Variants in KMT2D observed in about 807,000 individuals in gnomAD.
KMT2D encodes lysine methyltransferase 2D.
A neutral mutation model predicts 512.7 loss-of-function variants in KMT2D; 55 were observed. The ratio of observed to expected loss-of-function variants is 0.11; its 90% CI spans 0.09 to 0.13. KMT2D has a LOEUF of 0.13. Among genes scored for constraint, KMT2D ranks in the 10% least tolerant of loss-of-function variants. KMT2D has a pLI of 1.00. For missense variants in KMT2D, 6,061 were observed against 7,127.9 expected (o/e 0.85, Z 5.39); for synonymous variants, 2,995 against 2,904.0 (o/e 1.03, Z -1.01).
At position 49,052,137 on chromosome 12, in the gene KMT2D, C is replaced by T; in HGVS notation, c.1546G>A (p.Glu516Lys). 1.2e-6 allele frequency: 2 copies of T among 1,611,216 alleles called. No homozygotes were observed. Among genetic ancestry groups the T allele is most frequent in the Non-Finnish European group, 1.7e-6 (2 of 1,179,110 alleles). ...TCCGGTGGAGACAAGGGCGACTCCT[C>T]CAGTGGAGAAAAAGGTGATGATTCA... is the stretch of plus-strand genomic sequence containing the variant. ...PPESSPFSPL[E>K]ESPLSPPEES... is the part of the protein sequence containing the mutation. Residue 516 changes from glutamate (E) to lysine (K), a missense_variant, in exon 11 of 55, where the codon GAG becomes AAG. Glu to Lys is a moderately conservative substitution (Grantham distance 56). This residue lies in a region of KMT2D where 848 missense variants were observed against 838.5 expected (regional missense o/e 1.01). Transcript: ENST00000301067.
chr12:49,047,406 C>CTTTTTTTTTTTTT, intron 15 of KMT2D, among the ~76,000 whole-genome samples: 1 of 93,882 alleles, frequency 1.1e-5, no homozygotes, highest in Non-Finnish European at 2.0e-5. Flanking sequence ...CCAGTTTTTC[C>CTTTTTTTTTTTTT]TTTTTTTTTT....
chr12:49,031,640 A>G lies in KMT2D; in HGVS notation c.13065T>C (p.Pro4355=). The G allele has an allele frequency of 5.0e-6, 8 of 1,604,890 alleles. No homozygotes were observed. Among genetic ancestry groups the G allele is most frequent in the Non-Finnish European group, 6.0e-6 (7 of 1,175,954 alleles). The change falls in exon 40 of 55, where the codon CCT becomes CCC. Residue 4355 remains proline (P), a synonymous_variant. Coordinates refer to ENST00000301067, the MANE Select transcript of KMT2D (RefSeq NM_003482.4). ...KPQGPTLEPP[P]GRVSPAAAQL... is the part of the protein sequence containing the mutation. ...GGGCAGCAGCAGGTGAGACCCTCCC[A>G]GGAGGCGGCTCCAAGGTTGGCCCCT...
Position 49,030,779 on chromosome 12 carries a change from C to A in KMT2D, c.13672-11G>T. 2 of 1,613,278 alleles carry A rather than the reference C, an allele frequency of 1.2e-6. No individual in the cohort carries two copies. The highest frequency in any genetic ancestry group is 1.7e-6 in the Non-Finnish European group (2 of 1,179,654). ...CAGCAGGGACAGCTCCTACAAGGGG[C>A]AAGATGACAAAGTTCAAAACCTGCA... On this transcript the variant is annotated splice_polypyrimidine_tract_variant and intron_variant, in intron 41 of 54. Coordinates refer to ENST00000301067, the MANE Select transcript of KMT2D (RefSeq NM_003482.4).
Position 49,034,414 on chromosome 12 carries a change from C to A in KMT2D, c.10503G>T (p.Val3501=). Residue 3501 remains valine, a synonymous_variant, in exon 38 of 55, where the codon GTG becomes GTT. Transcript: ENST00000301067. ...RPNPPTFAQG[V]INEADQRQYE... ...CCTCCCACGCCCCATACTCACTGAT[C>A]ACTCCCTGAGCAAAAGTGGGCGGGT... 2 of 1,613,846 alleles carry A rather than the reference C, an allele frequency of 1.2e-6. No individual in the cohort carries two copies. The highest frequency in any genetic ancestry group is 1.7e-6 in the Non-Finnish European group (2 of 1,179,834).
Position 49,032,545 on chromosome 12 carries a change from T to G in KMT2D, c.12160A>C (p.Thr4054Pro), listed in dbSNP as rs900086308. ...HQGGPLAIGT[T>P]PESMATEPGE... ...GGTTCAGTGGCCATTGACTCAGGGG[T>G]AGTTCCTATTGCTAACGGCCCTCCC... Residue 4054 changes from threonine (T) to proline (P), a missense_variant, in exon 40 of 55, where the codon ACC (threonine) becomes CCC (proline). By Grantham distance (38) the Thr-to-Pro change is conservative (BLOSUM62 -1). Coordinates refer to ENST00000301067, the MANE Select transcript of KMT2D (RefSeq NM_003482.4). 3.1e-6 allele frequency: 5 copies of G among 1,608,152 alleles called. No homozygotes were observed. The African/African-American group carries it at 5.3e-5, about 17-fold the overall frequency.
At chr12:49,043,018 C>T in intron 26 of KMT2D, 58 bp downstream of exon 26, 1 of 1,558,942 alleles carries the variant, frequency 6.4e-7, no homozygotes, top group Non-Finnish European at 8.8e-7. Context: ...AAGATAGGAC[C>T]TCCTCCTTCT....
rs2120645389 is a variant in KMT2D at position 49,050,080 on chromosome 12, G to A, written c.3508C>T (p.Pro1170Ser). The change falls in exon 12 of 55, where the codon CCC becomes TCC. Residue 1170 changes from proline (P) to serine (S), a missense_variant. Coordinates refer to ENST00000301067, the MANE Select transcript of KMT2D (RefSeq NM_003482.4). The stretch of plus-strand genomic sequence containing the variant: ...TGCCCTGCTGTCTGCTTGCATTCGG[G>A]GTAGACCTCCATAGGGGTCACAGGG... ...LAPVTPMEVYPECKQTAGQGS... is the reference protein window; with the variant it reads ...LAPVTPMEVYSECKQTAGQGS... The A allele has an allele frequency of 6.2e-7, 1 of 1,613,696 alleles. No individual in the cohort carries two copies. Among genetic ancestry groups the A allele is most frequent in the South Asian group, 1.1e-5 (1 of 91,084 alleles).
chr12:49,051,063 A>G lies in KMT2D; in HGVS notation c.2620T>C (p.Cys874Arg), dbSNP rs2120662532. The G allele has an allele frequency of 6.5e-7, 1 of 1,531,364 alleles. No homozygotes were observed. The highest frequency in any genetic ancestry group is 2.3e-5 in the East Asian group (1 of 44,228). The allele number at this position is 1,531,364 out of a possible 1,614,324, so 94.9% of individuals were successfully genotyped here. ...AAGGGCAGCTCCTCAGGTGCAGGGC[A>G]TTGGCCTGGCTCCTCAGGGGGCTTT... ...PEKPPEEPGQ[C>R]PAPEELPLFP... Residue 874 changes from cysteine (C) to arginine (R), a missense_variant, in exon 11 of 55, where the codon TGC becomes CGC. Cys to Arg is a radical substitution (Grantham distance 180, BLOSUM62 -3). Transcript: ENST00000301067.
chr12:49,027,037 G>A lies in KMT2D; in HGVS notation c.14929C>T (p.Pro4977Ser), dbSNP rs1212938842. 2.5e-6 allele frequency: 4 copies of A among 1,613,874 alleles called. No individual in the cohort carries two copies. Among genetic ancestry groups the A allele is most frequent in the Admixed American group, 3.3e-5 (2 of 60,000 alleles). Reference protein sequence around the residue: ...PPEEGEDSRPPRLKKWKGVRW... With the variant: ...PPEEGEDSRPSRLKKWKGVRW... ...ACTCCTTTCCATTTCTTGAGGCGAGGAGGACGGGAATCTTCACCTTCTTCA... is the reference window on the plus strand; with the variant it reads ...ACTCCTTTCCATTTCTTGAGGCGAGAAGGACGGGAATCTTCACCTTCTTCA... The change falls in exon 49 of 55, where the codon CCT (proline) becomes TCT (serine). Residue 4977 changes from proline to serine, a missense_variant. By Grantham distance (74) the Pro-to-Ser change is moderately conservative. This residue lies in a region of KMT2D where 1,600 missense variants were observed against 1,754.9 expected (regional missense o/e 0.91). Transcript: ENST00000301067.
Position 49,041,161 on chromosome 12 carries a change from C to G in KMT2D, c.6609G>C (p.Thr2203=). The G allele has an allele frequency of 1.3e-6, 2 of 1,520,702 alleles. No homozygotes were observed. The highest frequency in any genetic ancestry group is 1.8e-6 in the Non-Finnish European group (2 of 1,137,594). 94.2% of individuals were successfully genotyped at this position (1,520,702 alleles called of 1,614,324 possible). Residue 2203 remains threonine (T), a synonymous_variant, in exon 32 of 55, where the codon ACG becomes ACC. Transcript: ENST00000301067. The surrounding 1 kb of genome is among the most constrained non-coding windows in gnomAD (Gnocchi z 5.4). ...PPTYPPYPSP[T]GAPAQPPMLG... is the part of the protein sequence containing the mutation. ...GCATCGGGGGCTGCGCAGGGGCCCC[C>G]GTAGGACTAGGATAGGGGGGATAGG...
chr12:49,039,902 C>T lies in KMT2D; in HGVS notation c.7868G>A (p.Gly2623Glu), dbSNP rs1395548755. 1 of 1,613,928 alleles carries T rather than the reference C, an allele frequency of 6.2e-7. No individual in the cohort carries two copies. Among genetic ancestry groups the T allele is most frequent in the East Asian group, 2.2e-5 (1 of 44,890 alleles). The change falls in exon 32 of 55, where the codon GGA becomes GAA. Residue 2623 changes from glycine (G) to glutamate (E), a missense_variant. Transcript: ENST00000301067. The surrounding 1 kb of genome is among the most constrained non-coding windows in gnomAD (Gnocchi z 5.0). ...TCCATGGGACAGGTAGGGGAGGGAT[C>T]CGTCGGGTGCAGGTGGTGGCAGAAC... The part of the protein sequence containing the change: ...PSVLPPPAPD[G>E]SLPYLSHGAS...
rs1937850526 is a variant in KMT2D, at chr12:49,050,083, A to T, written c.3505T>A (p.Tyr1169Asn). 1 of 1,613,594 alleles carries T rather than the reference A, an allele frequency of 6.2e-7. No individual in the cohort carries two copies. The highest frequency in any genetic ancestry group is 8.5e-7 in the Non-Finnish European group (1 of 1,179,882). ...CCTGCTGTCTGCTTGCATTCGGGGTAGACCTCCATAGGGGTCACAGGGGCC... is the reference window on the plus strand; with the variant it reads ...CCTGCTGTCTGCTTGCATTCGGGGTTGACCTCCATAGGGGTCACAGGGGCC... ...ELAPVTPMEVYPECKQTAGQG... is the reference protein window; with the variant it reads ...ELAPVTPMEVNPECKQTAGQG... Residue 1169 changes from tyrosine to asparagine, a missense_variant, in exon 12 of 55, where the codon TAC becomes AAC. Tyr to Asn is a moderately radical substitution (Grantham distance 143). Coordinates refer to ENST00000301067, the MANE Select transcript of KMT2D (RefSeq NM_003482.4).
chr12:49,030,798 A>T (rs751098816), intron 41 of KMT2D, 30 bp from the exon 42 acceptor site: 1 of 1,613,010 alleles, frequency 6.2e-7, no homozygotes, highest in East Asian at 2.2e-5. Context: ...AAAGTTCAAA[A>T]CCTGCAGCGT....
rs1053751007 is a variant in KMT2D at position 49,020,327 on chromosome 12, G to A, written c.*1453C>T. 21 of 176,198 alleles carry A rather than the reference G, an allele frequency of 1.2e-4. No homozygotes were observed. Among genetic ancestry groups the A allele is most frequent in the African/African-American group, 2.4e-4 (10 of 42,252 alleles). 10.9% of individuals were successfully genotyped at this position (176,198 alleles called of 1,614,324 possible). A position where few individuals can be genotyped will look rare whatever the true frequency, so the allele number is the denominator to read the frequency against. On this transcript the variant is annotated 3_prime_UTR_variant, in exon 55 of 55. Coordinates refer to ENST00000301067, the MANE Select transcript of KMT2D (RefSeq NM_003482.4). ...GGGGTGAGGAAAAGGGCGGTAGGTC[G>A]GGTAATGGAGGGGGCCCCCCCACAA...
At position 49,032,424 on chromosome 12, in the gene KMT2D, G is replaced by A; in HGVS notation, c.12281C>T (p.Pro4094Leu). The change falls in exon 40 of 55, where the codon CCT becomes CTT. Residue 4094 changes from proline to leucine, a missense_variant. Pro to Leu is a moderately conservative substitution (Grantham distance 98). Transcript: ENST00000301067. The part of the protein sequence containing the change: ...PQPSSLQLQP[P>L]LRLPGQQQQQ... ...CTGCTGTTGTCCTGGAAGCCTCAGA[G>A]GTGGCTGCAGCTGCAGAGAGCTGGG... 1.9e-6 allele frequency: 3 copies of A among 1,583,148 alleles called. No individual in the cohort carries two copies. The highest frequency in any genetic ancestry group is 2.6e-6 in the Non-Finnish European group (3 of 1,164,630).
At position 49,051,571 on chromosome 12, in the gene KMT2D, G is replaced by A. The variant is rs1231395599; in HGVS notation, c.2112C>T (p.Asp704=). The change falls in exon 11 of 55, where the codon GAC becomes GAT. Residue 704 remains aspartate, a synonymous_variant. Coordinates refer to ENST00000301067, the MANE Select transcript of KMT2D (RefSeq NM_003482.4). ...CCTCCGGTGGTGGGGAAGCAGGTGA[G>A]TCCTCAGGTGGTGGGGATGTGGGGG... is the stretch of plus-strand genomic sequence containing the variant. ...EDSPTSPPPE[D]SPASPPPEDS... The A allele has an allele frequency of 4.4e-6, 7 of 1,603,322 alleles. No homozygotes were observed. Among genetic ancestry groups the A allele is most frequent in the African/African-American group, 1.3e-5 (1 of 74,262 alleles).
intron 51 of KMT2D, among the ~76,000 whole-genome samples, chr12:49,023,668 A>G (rs1942434258): frequency 6.6e-6 from 1 of 152,188 alleles, no homozygotes; most frequent in Admixed American, 6.5e-5. Flanking sequence ...GTTTAATCCA[A>G]TTTGGGGAAG....
chr12:49,044,560 A>G lies in KMT2D; in HGVS notation c.4964-38T>C, dbSNP rs1470311612. 1 of 1,607,786 alleles carries G rather than the reference A, an allele frequency of 6.2e-7. No homozygotes were observed. Among genetic ancestry groups the G allele is most frequent in the Non-Finnish European group, 8.5e-7 (1 of 1,176,758 alleles). ...ACAGAAGAGATGGAGGCAAATCAGA[A>G]CTATAGGCCCTTTTAACCTTGTCAT... is the stretch of plus-strand genomic sequence containing the variant. On this transcript the variant is annotated intron_variant, in intron 20 of 54. Transcript: ENST00000301067. The surrounding 1 kb of genome is among the most constrained non-coding windows in gnomAD (Gnocchi z 6.4).
At chr12:49,049,641 G>C (rs749576850) in intron 12 of KMT2D, 41 bp downstream of exon 12, 66 of 1,529,518 alleles carry the variant, frequency 4.3e-5, no homozygotes, top group Admixed American at 1.2e-4. Flanking sequence ...TCTGACAGTG[G>C]GCTAACTCTA....
Sources: gnomAD v4.1 joint callset for allele counts (sites outside exome capture counted in the v4.1 genomes callset) on GRCh38, gnomAD v4.1.1 for gene constraint, gnomAD v4.1.1 regional missense constraint, Gnocchi (gnomAD v3.1) non-coding constraint, MANE v1.5 for transcripts, NCBI Gene and HGNC (gene_info 2026-07-23, HGNC 2026-07-21) for gene names.